The following RBFOX1 variants were observed in gnomAD, a reference collection of about 807,000 sequenced individuals.
RBFOX1 encodes RNA binding fox-1 homolog 1.
A neutral mutation model predicts 57.7 loss-of-function variants in RBFOX1; 8 were observed. The ratio of observed to expected loss-of-function variants is 0.14; its 90% confidence interval spans 0.08 to 0.25. RBFOX1 has a LOEUF of 0.25. Among genes scored for constraint, RBFOX1 ranks in the 10% least tolerant of loss-of-function variants. The pLI is 1.00. For missense variants in RBFOX1, 611 were observed against 548.5 expected (o/e 1.11, Z -1.14); for synonymous variants, 326 against 222.4 (o/e 1.47, Z -4.15).
At chr16:7,013,027 C>T (rs1452463327) in intron 3 of RBFOX1, among the ~76,000 whole-genome samples, 1 of 152,084 alleles carries the variant, frequency 6.6e-6, no homozygotes, top group East Asian at 1.9e-4. Flanking sequence ...AGAAAGCAAG[C>T]CCTCTCTTTC....
intron 2 of RBFOX1, among the ~76,000 whole-genome samples, chr16:6,404,123 G>A (rs929714406): frequency 6.6e-6 from 1 of 151,884 alleles, no homozygotes; most frequent in East Asian, 1.9e-4. Flanking sequence ...ACCACAGATC[G>A]AAAAAATATA....
chr16:6,265,894 C>G (rs984115604), intron 1 of RBFOX1, among the ~76,000 whole-genome samples: 3 of 152,144 alleles, frequency 2.0e-5, no homozygotes, highest in African/African-American at 4.8e-5. Flanking sequence ...CCCTGTCTTC[C>G]TAGAAGAGTC....
At chr16:6,033,468 C>T (rs1001097161) in intron 1 of RBFOX1, among the ~76,000 whole-genome samples, 33 of 152,244 alleles carry the variant, frequency 2.2e-4, no homozygotes, top group South Asian at 6.2e-4. Context: ...ATATTTTATG[C>T]GAATACAAAC....
intron 1 of RBFOX1, among the ~76,000 whole-genome samples, chr16:6,213,291 C>G (rs1019827259): frequency 5.3e-5 from 8 of 152,094 alleles, no homozygotes; most frequent in African/African-American, 1.7e-4. Context: ...GGCTGTCATG[C>G]TTCATTGAGG....
intron 3 of RBFOX1, among the ~76,000 whole-genome samples, chr16:6,808,775 A>C (rs1339555387): frequency 2.6e-5 from 4 of 152,122 alleles, no homozygotes; most frequent in Non-Finnish European, 5.9e-5. Flanking sequence ...TCTGGGTATT[A>C]ACTGTATCTG....
chr16:6,164,322 C>G (rs2096900316), intron 1 of RBFOX1, among the ~76,000 whole-genome samples: 1 of 152,010 alleles, frequency 6.6e-6, no homozygotes, highest in Non-Finnish European at 1.5e-5. Flanking sequence ...ATAAATTAAA[C>G]TACATTTCTG....
chr16:6,311,365 CA>C (rs1261453255), intron 1 of RBFOX1, among the ~76,000 whole-genome samples: 2 of 150,172 alleles, frequency 1.3e-5, no homozygotes, highest in Non-Finnish European at 3.0e-5. Flanking sequence ...TAGGCTCACT[CA>C]ACAAATATAA....
intron 4 of RBFOX1, among the ~76,000 whole-genome samples, chr16:7,224,413 C>G (rs1182994136): frequency 1.3e-5 from 2 of 152,174 alleles, no homozygotes; most frequent in Admixed American, 1.3e-4. Flanking sequence ...TGCCATCACC[C>G]TTGGCCTATA....
intron 3 of RBFOX1, among the ~76,000 whole-genome samples, chr16:6,939,910 C>G (rs537446993): frequency 6.6e-6 from 1 of 152,128 alleles, no homozygotes; most frequent in Non-Finnish European, 1.5e-5. Flanking sequence ...TCCATAAATG[C>G]ATAATTTAAT....
At chr16:7,188,912 G>A (rs553669745) in intron 4 of RBFOX1, among the ~76,000 whole-genome samples, 2 of 152,220 alleles carry the variant, frequency 1.3e-5, no homozygotes, top group East Asian at 3.9e-4. Flanking sequence ...TAAGGATTGG[G>A]GAAAGTTCTT....
intron 13 of RBFOX1, among the ~76,000 whole-genome samples, chr16:7,672,194 A>G (rs143971796): frequency 1.9e-3 from 285 of 152,312 alleles, no homozygotes; most frequent in African/African-American, 6.4e-3. Flanking sequence ...TAAAGCAACC[A>G]CCAACTGAAC....
At chr16:7,209,388 A>G (rs575478990) in intron 4 of RBFOX1, among the ~76,000 whole-genome samples, 4 of 152,296 alleles carry the variant, frequency 2.6e-5, no homozygotes, top group Non-Finnish European at 4.4e-5. Flanking sequence ...CACCAGTTAG[A>G]TTAGATTAGA....
At chr16:7,259,712 C>G (rs1450334957) in intron 4 of RBFOX1, among the ~76,000 whole-genome samples, 1 of 152,128 alleles carries the variant, frequency 6.6e-6, no homozygotes. Flanking sequence ...ACATCACTCA[C>G]TTAGTCATGA....
In RBFOX1 at chr16:6,019,539, G is replaced by C; in HGVS notation, c.-580G>C. The C allele has an allele frequency of 1.8e-6, 2 of 1,092,446 alleles. No individual in the cohort carries two copies. Among genetic ancestry groups the C allele is most frequent in the Non-Finnish European group, 1.1e-6 (1 of 899,048 alleles). 67.7% of individuals were successfully genotyped at this position (1,092,446 alleles called of 1,614,324 possible). ...GGGCGGGGGCGCTCTGCCAGCCCCG[G>C]GAACAGCAGAGGCGGCGGCACTGGC... On this transcript the variant is annotated 5_prime_UTR_variant, in exon 1 of 16. Transcript: ENST00000550418. This position sits in a 1 kb window ranked among gnomAD's most constrained non-coding sequence, Gnocchi z 4.2.
At chr16:7,219,679 A>G (rs1045069072) in intron 4 of RBFOX1, among the ~76,000 whole-genome samples, 14 of 152,202 alleles carry the variant, frequency 9.2e-5, no homozygotes, top group Admixed American at 3.3e-4. Context: ...TCTGCCGTAT[A>G]GATCCCTGCT....
chr16:6,967,851 C>G (rs1394824465), intron 3 of RBFOX1, among the ~76,000 whole-genome samples: 3 of 152,158 alleles, frequency 2.0e-5, no homozygotes, highest in Non-Finnish European at 4.4e-5. Flanking sequence ...ACCAGACATA[C>G]TTCCTGAAGA....
intron 1 of RBFOX1, among the ~76,000 whole-genome samples, chr16:5,459,283 A>G (rs2068720221): frequency 6.6e-6 from 1 of 152,164 alleles, no homozygotes; most frequent in African/African-American, 2.4e-5. Context: ...TCCTCATCCC[A>G]TCTGCATGGC....
Position 7,144,417 on chromosome 16 carries a change from C to CTTTTTTTT in RBFOX1, c.27+92333_27+92340dup, listed in dbSNP as rs1190886141. On this transcript the variant is annotated intron_variant, in intron 4 of 15. Transcript: ENST00000550418. ...TCTTTTCTCTTTCTTTTTCTTTCTT[C>CTTTTTTTT]TTTTTTTTTTTTTTTTTTTTTGAGT... 4.5e-4 allele frequency among the ~76,000 whole-genome samples: 30 copies of CTTTTTTTT among 66,920 alleles called. 1 individual carries two copies. The highest frequency in any genetic ancestry group is 1.2e-3 in the African/African-American group (20 of 16,504). 43.9% of individuals were successfully genotyped at this position (66,920 alleles called of 152,430 possible).
chr16:5,694,744 A>AT (rs1389120580), intron 3 of RBFOX1, among the ~76,000 whole-genome samples: 1 of 151,498 alleles, frequency 6.6e-6, no homozygotes, highest in African/African-American at 2.4e-5. Flanking sequence ...CCCCACTATC[A>AT]TCACACCATT....
Sources: gnomAD v4.1 joint callset for allele counts (sites outside exome capture counted in the v4.1 genomes callset) on GRCh38, gnomAD v4.1.1 for gene constraint, Gnocchi (gnomAD v3.1) non-coding constraint, MANE v1.5 for transcripts, NCBI Gene and HGNC (gene_info 2026-07-23, HGNC 2026-07-21) for gene names.